The following PRELID3B variants were observed in gnomAD, a reference collection of about 807,000 sequenced individuals.
PRELID3B encodes the protein PRELI domain containing 3B.
Under a neutral mutation model 24.0 loss-of-function variants are expected in PRELID3B, and 15 were observed. The ratio of observed to expected loss-of-function variants is 0.63; its 90% CI spans 0.42 to 0.96. The LOEUF (loss-of-function observed/expected upper bound fraction) is 0.96. Ranked by LOEUF, PRELID3B falls within the 40% of genes least tolerant of loss-of-function variation. The pLI is 0.00. For synonymous variants in PRELID3B, 62 were observed against 76.0 expected (o/e 0.82, Z 0.96); for missense variants, 189 against 236.0 (o/e 0.80, Z 1.30).
intron 1 of PRELID3B, among the ~76,000 whole-genome samples, chr20:59,041,031 G>A (rs1041859397): frequency 4.6e-5 from 7 of 152,182 alleles, no homozygotes; most frequent in Non-Finnish European, 1.0e-4. Context: ...AGACAGGGAA[G>A]CGCTGAAGAC....
chr20:59,042,743 C>G lies in PRELID3B; in HGVS notation c.-13G>C, dbSNP rs764377876. Reference sequence around the variant, plus strand: ...TCCAGATCTTCATGGTGCCGGCACCCTGAGAGATGTCCGGGTAGCGCCAGG... The same window carrying G: ...TCCAGATCTTCATGGTGCCGGCACCGTGAGAGATGTCCGGGTAGCGCCAGG... On this transcript the variant is annotated 5_prime_UTR_variant, in exon 1 of 6. Coordinates refer to ENST00000355937, the MANE Select transcript of PRELID3B (RefSeq NM_016045.3). The G allele has an allele frequency of 1.9e-6, 3 of 1,600,662 alleles. No homozygotes were observed. In the East Asian group the frequency reaches 6.8e-5, roughly 36 times the overall value.
chr20:59,038,812 T>C (rs1210944653), intron 1 of PRELID3B, among the ~76,000 whole-genome samples, 178 bp from the exon 2 acceptor site: 1 of 152,220 alleles, frequency 6.6e-6, no homozygotes, highest in Non-Finnish European at 1.5e-5. Flanking sequence ...TCTACATTTT[T>C]AACAGGCTTC....
At chr20:59,037,129 G>A (rs1412013080) in intron 3 of PRELID3B, 62 bp downstream of exon 3, 3 of 1,227,352 alleles carry the variant, frequency 2.4e-6, no homozygotes, top group South Asian at 2.5e-5. Context: ...ACGGCAACTA[G>A]GAGAGGGACA....
Position 59,040,090 on chromosome 20 carries a change from C to T in PRELID3B, c.33-1456G>A, listed in dbSNP as rs543791724. 6.6e-6 allele frequency among the ~76,000 whole-genome samples: 1 copy of T among 152,322 alleles called. No individual in the cohort carries two copies. The highest frequency in any genetic ancestry group is 1.9e-4 in the East Asian group (1 of 5,188). On this transcript the variant is annotated intron_variant, in intron 1 of 5. Transcript: ENST00000355937. This position sits in a 1 kb window ranked among gnomAD's most constrained non-coding sequence, Gnocchi z 4.1. ...CATGCCCTTACCTCTTCCCCCAACC[C>T]TCTCTAAAAAATTAATAATCGCATG...
At position 59,040,330 on chromosome 20, in the gene PRELID3B, C is replaced by T. The variant is rs1391100898; in HGVS notation, c.33-1696G>A. Among the ~76,000 whole-genome samples, 2 of 152,224 alleles carry T rather than the reference C, an allele frequency of 1.3e-5. No individual in the cohort carries two copies. The highest frequency in any genetic ancestry group is 4.8e-5 in the African/African-American group (2 of 41,442). On this transcript the variant is annotated intron_variant, in intron 1 of 5. Transcript: ENST00000355937. The surrounding 1 kb of genome is among the most constrained non-coding windows in gnomAD (Gnocchi z 4.1). ...GTGGAAAAGATCTCACAATGGAAGA[C>T]ATTCAAAGACCACGCCAAAGTAGAA...
At chr20:59,037,506 A>G (rs988629934) in intron 2 of PRELID3B, among the ~76,000 whole-genome samples, 1 of 152,278 alleles carries the variant, frequency 6.6e-6, no homozygotes, top group Non-Finnish European at 1.5e-5. Flanking sequence ...ATTAGAAACC[A>G]GCCCACTGAG....
Position 59,038,614 on chromosome 20 carries a change from G to C in PRELID3B, c.53C>G (p.Thr18Arg), listed in dbSNP as rs760700006. The change falls in exon 2 of 6, where the codon ACA becomes AGA. Residue 18 changes from threonine (T) to arginine (R), a missense_variant. By Grantham distance (71) the Thr-to-Arg change is moderately conservative. Coordinates refer to ENST00000355937, the MANE Select transcript of PRELID3B (RefSeq NM_016045.3). ...TGGGTATTTCTGCATTGCAGCTGTT[G>C]TAACAGTTTCCCACGGGTGGCTGCC... Reference protein sequence around the residue: ...HVFDHPWETVTTAAMQKYPNP... With the variant: ...HVFDHPWETVRTAAMQKYPNP... 5.6e-6 allele frequency: 9 copies of C among 1,593,516 alleles called. No individual in the cohort carries two copies. The South Asian group carries it at 7.9e-5, about 14-fold the overall frequency.
chr20:59,039,742 T>A (rs1003357617), intron 1 of PRELID3B, among the ~76,000 whole-genome samples: 3 of 152,228 alleles, frequency 2.0e-5, no homozygotes, highest in Admixed American at 2.0e-4. Context: ...GACAACTACA[T>A]CTCGTTGACA....
chr20:59,042,580 G>A (rs1321373061), intron 1 of PRELID3B, 119 bp downstream of exon 1: 1 of 1,176,434 alleles, frequency 8.5e-7, no homozygotes, highest in Middle Eastern at 2.1e-4. Flanking sequence ...AGGCTTCAGA[G>A]TTCGCTCCCC....
intron 1 of PRELID3B, 68 bp from the exon 2 acceptor site, chr20:59,038,702 C>CAATT: frequency 1.4e-6 from 2 of 1,478,094 alleles, no homozygotes; most frequent in Non-Finnish European, 1.8e-6. Context: ...ATGAGTTAAA[C>CAATT]AATTTTTATA....
chr20:59,042,692 A>T lies in PRELID3B; in HGVS notation c.32+7T>A, dbSNP rs368107729. The T allele has an allele frequency of 1.3e-6, 2 of 1,589,410 alleles. No homozygotes were observed. Among genetic ancestry groups the T allele is most frequent in the South Asian group, 1.1e-5 (1 of 87,304 alleles). On this transcript the variant is annotated splice_region_variant and intron_variant, in intron 1 of 5. Transcript: ENST00000355937. ...CTCCACGGAGCCGACCCGCGCCCCA[A>T]ACTTACTCAAAGACGTGCTCCGAAG...
chr20:59,033,527 C>T lies in PRELID3B; in HGVS notation c.*1480G>A, dbSNP rs1433611226. 5.9e-5 allele frequency: 9 copies of T among 152,118 alleles called. No individual in the cohort carries two copies. The East Asian group carries it at 1.7e-3, about 29-fold the overall frequency. The allele number at this position is 152,118 out of a possible 1,614,324, so 9.4% of individuals were successfully genotyped here. A position where few individuals can be genotyped will look rare whatever the true frequency, so the allele number is the denominator to read the frequency against. ...ACTATCTCCGGTTACAAAAAAAAAT[C>T]AGAAACCTTATTAAATTTAACCTGC... On this transcript the variant is annotated 3_prime_UTR_variant, in exon 6 of 6. Transcript: ENST00000355937.
In PRELID3B at chr20:59,037,133, A is replaced by G. The variant is rs539519728; in HGVS notation, c.291+58T>C. ...CACTCACTTCTACGGCAACTAGGAG[A>G]GGGACAAAGAACTCAGCCAGACAGT... On this transcript the variant is annotated intron_variant, in intron 3 of 5. Coordinates refer to ENST00000355937, the MANE Select transcript of PRELID3B (RefSeq NM_016045.3). The G allele has an allele frequency of 2.5e-4, 315 of 1,253,120 alleles. 3 individuals carry two copies. In the South Asian group the frequency reaches 3.7e-3, roughly 15 times the overall value. 77.6% of individuals were successfully genotyped at this position (1,253,120 alleles called of 1,614,324 possible).
intron 5 of PRELID3B, among the ~76,000 whole-genome samples, chr20:59,035,756 CCT>C (rs1196344093): frequency 3.3e-5 from 5 of 152,308 alleles, no homozygotes; most frequent in Non-Finnish European, 7.3e-5. Context: ...ATGTCACCTG[CCT>C]CTTAGTTCCA....
intron 2 of PRELID3B, 87 bp downstream of exon 2, chr20:59,038,379 G>T: frequency 8.9e-7 from 1 of 1,122,082 alleles, no homozygotes; most frequent in Non-Finnish European, 1.2e-6. Context: ...TTCAGAATCG[G>T]CTCCCACAAC....
At chr20:59,035,560 C>A (rs192318734) in intron 5 of PRELID3B, among the ~76,000 whole-genome samples, 1 of 152,322 alleles carries the variant, frequency 6.6e-6, no homozygotes, top group Admixed American at 6.5e-5. Flanking sequence ...ACAGAGCATT[C>A]CCTACTTCCT....
chr20:59,033,362 A>G lies in PRELID3B; in HGVS notation c.*1645T>C, dbSNP rs1257785146. ...AGGTCAGTTTTTAAAAAATCAAAGG[A>G]TAAGGATTTAAAAATATTAGGGCAT... is the stretch of plus-strand genomic sequence containing the variant. On this transcript the variant is annotated 3_prime_UTR_variant, in exon 6 of 6. Coordinates refer to ENST00000355937, the MANE Select transcript of PRELID3B (RefSeq NM_016045.3). 2 of 151,958 alleles carry G rather than the reference A, an allele frequency of 1.3e-5. No homozygotes were observed. The highest frequency in any genetic ancestry group is 2.9e-5 in the Non-Finnish European group (2 of 67,968). 9.4% of individuals were successfully genotyped at this position (151,958 alleles called of 1,614,324 possible).
chr20:59,036,844 A>C, intron 3 of PRELID3B, 84 bp from the exon 4 acceptor site: 3 of 849,134 alleles, frequency 3.5e-6, no homozygotes, highest in East Asian at 2.6e-5. Context: ...ACACAAGCCA[A>C]AATCTTACTA....
Position 59,034,963 on chromosome 20 carries a change from T to A in PRELID3B, c.*44A>T. On this transcript the variant is annotated 3_prime_UTR_variant, in exon 6 of 6. Transcript: ENST00000355937. ...ATAACAAATAAATATATAGTCAGTT[T>A]GGAGAGACCTGGAGTACCCGATGTT... is the stretch of plus-strand genomic sequence containing the variant. 2.0e-6 allele frequency: 3 copies of A among 1,536,332 alleles called. No homozygotes were observed. Among genetic ancestry groups the A allele is most frequent in the Non-Finnish European group, 2.6e-6 (3 of 1,141,490 alleles).
Sources: gnomAD v4.1 joint callset for allele counts (sites outside exome capture counted in the v4.1 genomes callset) on GRCh38, gnomAD v4.1.1 for gene constraint, Gnocchi (gnomAD v3.1) non-coding constraint, MANE v1.5 for transcripts, NCBI Gene and HGNC (gene_info 2026-07-23, HGNC 2026-07-21) for gene names.